The following SNX18 variants were observed in gnomAD, a reference collection of about 807,000 sequenced individuals.
SNX18 encodes sorting nexin-18.
SNX18 carries 35 observed loss-of-function variants against 48.7 expected under a neutral mutation model. That is an observed-to-expected ratio of 0.72 (90% CI 0.55 to 0.95). SNX18 has a LOEUF of 0.95. SNX18 is among the 40% of genes least tolerant of loss of function. The pLI is 0.00. For missense variants in SNX18, 824 were observed against 871.0 expected, an observed-to-expected ratio of 0.95 and a Z score of 0.68; for synonymous variants, 492 against 384.7, an observed-to-expected ratio of 1.28 and a Z score of -3.26.
chr5:54,615,261 A>T, the SNX18 span, among the ~76,000 whole-genome samples: 3 of 152,188 alleles, frequency 2.0e-5, no homozygotes, highest in Admixed American at 2.0e-4. Context: ...CTTGAGCATG[A>T]TCTAGAAGGT....
chr5:54,585,309 A>C, the SNX18 span, among the ~76,000 whole-genome samples: 5 of 151,984 alleles, frequency 3.3e-5, no homozygotes, highest in South Asian at 1.0e-3. Flanking sequence ...AAAAAAAAAA[A>C]AAAACAGAGT....
the SNX18 span, among the ~76,000 whole-genome samples, chr5:54,625,852 C>A: frequency 1.3e-5 from 2 of 152,190 alleles, no homozygotes; most frequent in East Asian, 1.9e-4. Context: ...GGAAAGAAAT[C>A]TCTTTTTACT....
At chr5:54,586,802 T>TGAAGCCAGCAGC in the SNX18 span, among the ~76,000 whole-genome samples, 158 of 152,306 alleles carry the variant, frequency 1.0e-3, no homozygotes, top group Non-Finnish European at 1.9e-3. Flanking sequence ...CACCCTGCTA[T>TGAAGCCAGCAGC]GAAGCCAGCA....
At chr5:54,553,441 A>G in the SNX18 span, among the ~76,000 whole-genome samples, 2 of 152,152 alleles carry the variant, frequency 1.3e-5, no homozygotes, top group Non-Finnish European at 2.9e-5. Context: ...AAGCACAGCA[A>G]CAGGTCCCTC....
At chr5:54,645,346 G>A in the SNX18 span, 2 of 152,234 alleles carry the variant, frequency 1.3e-5, no homozygotes, top group East Asian at 3.8e-4. Flanking sequence ...TATAGATACT[G>A]TGTATTGTGT....
rs1459831552 is a variant in SNX18 at position 54,544,010 on chromosome 5, T to C, written c.*578T>C. The C allele has an allele frequency of 9.0e-6, 1 of 111,290 alleles. No individual in the cohort carries two copies. Among genetic ancestry groups the C allele is most frequent in the Non-Finnish European group, 1.7e-5 (1 of 60,176 alleles). The allele number at this position is 111,290 out of a possible 1,614,324, so 6.9% of individuals were successfully genotyped here. ...AGTGCATATAATGACAAACTGATGA[T>C]AACCTTATATTGGCAGTAGGGGGTG... On this transcript the variant is annotated 3_prime_UTR_variant, in exon 2 of 2. Coordinates refer to ENST00000381410, the MANE Select transcript of SNX18 (RefSeq NM_001102575.2).
rs1761923900 is a variant in SNX18 at position 54,518,430 on chromosome 5, G to A, written c.478G>A (p.Asp160Asn). 2 of 1,581,276 alleles carry A rather than the reference G, an allele frequency of 1.3e-6. No individual in the cohort carries two copies. Among genetic ancestry groups the A allele is most frequent in the Admixed American group, 3.6e-5 (2 of 55,910 alleles). Reference protein sequence around the residue: ...SDDDWDDEWDDSSTVADEPGA... With the variant: ...SDDDWDDEWDNSSTVADEPGA... ...TGATGACTGGGACGACGAGTGGGACGACAGCTCCACGGTGGCGGACGAGCC... is the reference window on the plus strand; with the variant it reads ...TGATGACTGGGACGACGAGTGGGACAACAGCTCCACGGTGGCGGACGAGCC... The change falls in exon 1 of 2, where the codon GAC becomes AAC. Residue 160 changes from aspartate (D) to asparagine (N), a missense_variant. Asp to Asn is a conservative substitution (Grantham distance 23). Transcript: ENST00000381410.
intron 1 of SNX18, among the ~76,000 whole-genome samples, chr5:54,521,674 C>T (rs1394009335): frequency 1.3e-5 from 2 of 152,132 alleles, no homozygotes; most frequent in Non-Finnish European, 2.9e-5. Context: ...CATTGCCCTC[C>T]AGCTTGGGTG....
At chr5:54,581,788 TG>T in the SNX18 span, among the ~76,000 whole-genome samples, 1 of 152,258 alleles carries the variant, frequency 6.6e-6, no homozygotes, top group Non-Finnish European at 1.5e-5. Flanking sequence ...TGGGTGGTGC[TG>T]GTTTTATTGA....
chr5:54,560,964 G>A, the SNX18 span, among the ~76,000 whole-genome samples: 1 of 152,218 alleles, frequency 6.6e-6, no homozygotes, highest in Non-Finnish European at 1.5e-5. Context: ...CATCTAAGAT[G>A]TTACATTTGA....
chr5:54,532,318 T>TTG, intron 1 of SNX18, among the ~76,000 whole-genome samples: 1 of 67,394 alleles, frequency 1.5e-5, no homozygotes, highest in African/African-American at 5.3e-5. Context: ...TTTTTTTTTT[T>TTG]CTTTTTTTTT....
downstream of SNX18, among the ~76,000 whole-genome samples, chr5:54,551,056 G>A (rs1762649052): frequency 2.7e-5 from 4 of 149,562 alleles, no homozygotes; most frequent in South Asian, 8.5e-4. Context: ...CGAAATGAAT[G>A]TTAAATTTGA....
At chr5:54,565,556 G>A in the SNX18 span, among the ~76,000 whole-genome samples, 1 of 152,074 alleles carries the variant, frequency 6.6e-6, no homozygotes, top group African/African-American at 2.4e-5. Flanking sequence ...CTGGGTGACA[G>A]AGTGAGACCT....
At chr5:54,607,802 T>C in the SNX18 span, among the ~76,000 whole-genome samples, 1 of 151,976 alleles carries the variant, frequency 6.6e-6, no homozygotes, top group Non-Finnish European at 1.5e-5. Flanking sequence ...GGCGTGGTGG[T>C]GGATGCCTGT....
At chr5:54,595,179 G>T in the SNX18 span, among the ~76,000 whole-genome samples, 3 of 152,116 alleles carry the variant, frequency 2.0e-5, no homozygotes, top group Non-Finnish European at 4.4e-5. Context: ...TTTCTTTTGG[G>T]TATATACCCA....
chr5:54,607,776 A>T, the SNX18 span, among the ~76,000 whole-genome samples: 1 of 152,108 alleles, frequency 6.6e-6, no homozygotes. Flanking sequence ...CCACAAAAAA[A>T]TACAAAAATT....
At chr5:54,635,710 G>C in the SNX18 span, among the ~76,000 whole-genome samples, 1 of 152,136 alleles carries the variant, frequency 6.6e-6, no homozygotes, top group Non-Finnish European at 1.5e-5. Context: ...ACCAACTATG[G>C]GGAGAGTTGG....
At chr5:54,621,269 G>A in the SNX18 span, among the ~76,000 whole-genome samples, 1 of 152,160 alleles carries the variant, frequency 6.6e-6, no homozygotes. Context: ...AGTCCTATGA[G>A]TAACTTTGCG....
At chr5:54,594,314 C>T in the SNX18 span, among the ~76,000 whole-genome samples, 3 of 152,160 alleles carry the variant, frequency 2.0e-5, no homozygotes, top group South Asian at 2.1e-4. Flanking sequence ...GAAAATATGC[C>T]TTGTGGTGCT....
Sources: allele counts gnomAD v4.1 joint callset (sites outside exome capture counted in the v4.1 genomes callset), GRCh38; gene constraint gnomAD v4.1.1; transcripts MANE v1.5; gene names NCBI Gene and HGNC (gene_info 2026-07-23, HGNC 2026-07-21).